Variants in NEK10 observed in about 807,000 individuals in gnomAD.
The protein encoded by NEK10 is NIMA related kinase 10.
In NEK10, 122 loss-of-function variants were observed where a neutral mutation model predicts 159.8. The ratio of observed to expected loss-of-function variants is 0.76; its 90% confidence interval spans 0.66 to 0.89. The LOEUF (loss-of-function observed/expected upper bound fraction) is 0.89, where lower values mean the gene tolerates loss of function less well. NEK10 is among the 40% of genes least tolerant of loss of function. NEK10 has a pLI of 0.00. For synonymous variants in NEK10, 466 were observed against 457.1 expected, an observed-to-expected ratio of 1.02 and a Z score of -0.25; for missense variants, 1,342 against 1,323.1, an observed-to-expected ratio of 1.01 and a Z score of -0.22.
chr3:27,274,562 C>T (rs1354191128), intron 22 of NEK10, among the ~76,000 whole-genome samples: 1 of 152,066 alleles, frequency 6.6e-6, no homozygotes. Context: ...TCTAACATTA[C>T]ATAAAAGTGC....
chr3:27,188,664 G>C (rs977765414), intron 26 of NEK10, among the ~76,000 whole-genome samples: 4 of 152,134 alleles, frequency 2.6e-5, no homozygotes, highest in Non-Finnish European at 5.9e-5. Flanking sequence ...ATTCTCTTCA[G>C]TCTCCCTGGA....
intron 9 of NEK10, 127 bp from the exon 10 acceptor site, chr3:27,309,132 A>G: frequency 1.9e-6 from 1 of 512,932 alleles, no homozygotes; most frequent in Non-Finnish European, 3.5e-6. Flanking sequence ...TTAAGATCAT[A>G]TAGGCTTAAC....
chr3:27,340,454 C>T (rs909107678), intron 5 of NEK10, among the ~76,000 whole-genome samples: 3 of 152,040 alleles, frequency 2.0e-5, no homozygotes, highest in African/African-American at 7.2e-5. Flanking sequence ...CAGCAAACCA[C>T]CATGGCACAT....
chr3:27,170,587 C>G (rs946736401), intron 29 of NEK10, among the ~76,000 whole-genome samples: 3 of 152,072 alleles, frequency 2.0e-5, no homozygotes, highest in Admixed American at 1.3e-4. Flanking sequence ...CAAAAATTAG[C>G]CAGGTATGGT....
At chr3:27,186,597 G>C (rs1189098231) in intron 26 of NEK10, among the ~76,000 whole-genome samples, 1 of 152,198 alleles carries the variant, frequency 6.6e-6, no homozygotes, top group Non-Finnish European at 1.5e-5. Flanking sequence ...AGACAGAAAA[G>C]ACCGGGAGCT....
chr3:27,213,265 G>A (rs1951178050), intron 23 of NEK10, among the ~76,000 whole-genome samples: 1 of 152,100 alleles, frequency 6.6e-6, no homozygotes, highest in Non-Finnish European at 1.5e-5. Context: ...CCCTCCACTG[G>A]TAACAAGATA....
chr3:27,239,671 T>C (rs1359681465), intron 23 of NEK10, among the ~76,000 whole-genome samples: 1 of 152,174 alleles, frequency 6.6e-6, no homozygotes. Context: ...TTGTATGTAA[T>C]ATCTAGAAGT....
chr3:27,189,373 C>T (rs1324868943), intron 26 of NEK10, among the ~76,000 whole-genome samples: 1 of 151,982 alleles, frequency 6.6e-6, no homozygotes, highest in African/African-American at 2.4e-5. Flanking sequence ...TTTGCTTACC[C>T]ACTAATTTGC....
chr3:27,142,725 C>T (rs1188384063), intron 30 of NEK10, among the ~76,000 whole-genome samples: 1 of 152,048 alleles, frequency 6.6e-6, no homozygotes, highest in Non-Finnish European at 1.5e-5. Flanking sequence ...TCAATGCAGT[C>T]ATTTAAAAGA....
At position 27,192,192 on chromosome 3, in the gene NEK10, G is replaced by T. The variant is rs1173001316; in HGVS notation, c.2342C>A (p.Ser781Ter). Reference sequence around the variant, plus strand: ...TTTCATCATGACATCTGATATCATCGAACTGACTTCTACAATATCTGGACG... The same window carrying T: ...TTTCATCATGACATCTGATATCATCTAACTGACTTCTACAATATCTGGACG... ...EARPDIVEVSSMISDVMMKYL... is the reference protein window; with the variant it reads ...EARPDIVEVS The change falls in exon 26 of 36, where the codon TCG (serine) becomes TAG (stop). Residue 781 changes from serine to a stop codon, truncating the protein, a stop_gained. Transcript: ENST00000691995. LOFTEE classifies it high-confidence loss of function. The T allele has an allele frequency of 6.2e-7, 1 of 1,614,054 alleles. No homozygotes were observed. The highest frequency in any genetic ancestry group is 8.5e-7 in the Non-Finnish European group (1 of 1,179,976).
chr3:27,204,295 G>T (rs71622843), intron 23 of NEK10, among the ~76,000 whole-genome samples: 20,086 of 71,290 alleles, frequency 0.28, 1,372 homozygotes, highest in Middle Eastern at 0.36. Context: ...TTTTTTTTTT[G>T]TTGTTGTTTT....
chr3:27,295,471 CTTCCTTGCCAGAT>C, intron 15 of NEK10, 129 bp downstream of exon 15: 1 of 963,828 alleles, frequency 1.0e-6, no homozygotes. Context: ...CCATGCCAGT[CTTCCTTGCCAGAT>C]ATTTTTCCCT....
chr3:27,235,459 GAACA>G (rs1269502019), intron 23 of NEK10, among the ~76,000 whole-genome samples: 2 of 152,082 alleles, frequency 1.3e-5, no homozygotes, highest in Non-Finnish European at 2.9e-5. Context: ...CAAAGGACAT[GAACA>G]AACACTTTTC....
intron 32 of NEK10, among the ~76,000 whole-genome samples, chr3:27,125,098 G>A (rs927950026): frequency 6.6e-6 from 1 of 151,896 alleles, no homozygotes; most frequent in African/African-American, 2.4e-5. Flanking sequence ...ACTAAACTAA[G>A]TAAATATATT....
At chr3:27,362,741 C>T (rs1281935131) in intron 1 of NEK10, among the ~76,000 whole-genome samples, 3 of 151,812 alleles carry the variant, frequency 2.0e-5, no homozygotes, top group African/African-American at 7.3e-5. Flanking sequence ...TCCTCACCCC[C>T]GTATCTGATA....
At chr3:27,201,434 C>T (rs1188784899) in intron 25 of NEK10, 76 bp downstream of exon 25, 5 of 1,231,696 alleles carry the variant, frequency 4.1e-6, no homozygotes, top group African/African-American at 3.0e-5. Flanking sequence ...ACCTTTTATC[C>T]ATAAATAGTG....
At chr3:27,314,698 A>G (rs2045013825) in intron 6 of NEK10, among the ~76,000 whole-genome samples, 1 of 152,198 alleles carries the variant, frequency 6.6e-6, no homozygotes, top group Non-Finnish European at 1.5e-5. Context: ...CAAGACACAG[A>G]AAGAAAACCA....
chr3:27,326,972 C>G (rs1352942), intron 5 of NEK10, among the ~76,000 whole-genome samples: 150,579 of 152,348 alleles, frequency 0.99, 74,416 homozygotes, highest in East Asian at 1. Flanking sequence ...TGTTTGCCAC[C>G]AGCTGAGGGA....
chr3:27,208,125 C>T (rs1056899103), intron 23 of NEK10, among the ~76,000 whole-genome samples: 5 of 151,916 alleles, frequency 3.3e-5, no homozygotes, highest in African/African-American at 1.2e-4. Context: ...GTTGGTAAAC[C>T]GTTGCCGAGA....
Sources: allele counts gnomAD v4.1 joint callset (sites outside exome capture counted in the v4.1 genomes callset), GRCh38; gene constraint gnomAD v4.1.1; transcripts MANE v1.5; gene names NCBI Gene and HGNC (gene_info 2026-07-23, HGNC 2026-07-21).